The following TXNRD1 variants were observed in gnomAD, a reference collection of about 807,000 sequenced individuals.
The protein encoded by TXNRD1 is thioredoxin reductase 1, also known as thioredoxin reductase 1, cytoplasmic.
In TXNRD1, 57 loss-of-function variants were observed where a neutral mutation model predicts 80.3. The ratio of observed to expected loss-of-function variants is 0.71; its 90% CI spans 0.57 to 0.89. The LOEUF is 0.89. Among genes scored for constraint, TXNRD1 ranks in the 40% least tolerant of loss-of-function variants. The pLI is 0.00. For synonymous variants in TXNRD1, 291 were observed against 285.2 expected, an observed-to-expected ratio of 1.02 and a Z score of -0.20; for missense variants, 730 against 803.0, an observed-to-expected ratio of 0.91 and a Z score of 1.10.
chr12:104,266,567 T>A (rs2135718337), intron 3 of TXNRD1, among the ~76,000 whole-genome samples: 1 of 147,956 alleles, frequency 6.8e-6, no homozygotes, highest in South Asian at 2.2e-4. Flanking sequence ...GCGTGGCGGC[T>A]CACGACTGTA....
chr12:104,314,392 A>G (rs771131575), intron 6 of TXNRD1, among the ~76,000 whole-genome samples: 4 of 152,228 alleles, frequency 2.6e-5, no homozygotes, highest in Non-Finnish European at 4.4e-5. Context: ...TGATTCATCC[A>G]TTCAGCAGAT....
At chr12:104,266,865 G>A (rs1240517604) in intron 3 of TXNRD1, among the ~76,000 whole-genome samples, 1 of 152,154 alleles carries the variant, frequency 6.6e-6, no homozygotes, top group African/African-American at 2.4e-5. Context: ...GGGAGGTTGA[G>A]GCAGGAGAAT....
intron 4 of TXNRD1, among the ~76,000 whole-genome samples, chr12:104,301,744 C>T (rs2034633219): frequency 1.3e-5 from 2 of 152,196 alleles, no homozygotes; most frequent in Admixed American, 6.5e-5. Context: ...GTATTTTCAC[C>T]TAAGATTTAA....
intron 3 of TXNRD1, among the ~76,000 whole-genome samples, chr12:104,263,226 A>G (rs796984754): frequency 1.3e-5 from 2 of 152,156 alleles, no homozygotes; most frequent in Non-Finnish European, 2.9e-5. Flanking sequence ...GTAGGTGGTG[A>G]TATCACCTTC....
chr12:104,314,517 C>T (rs1169714827), intron 6 of TXNRD1, among the ~76,000 whole-genome samples: 1 of 152,092 alleles, frequency 6.6e-6, no homozygotes, highest in Non-Finnish European at 1.5e-5. Context: ...AGAGGACTTA[C>T]TTTGAGCTGT....
intron 2 of TXNRD1, among the ~76,000 whole-genome samples, chr12:104,252,875 T>C (rs1016275587): frequency 2.6e-5 from 4 of 151,040 alleles, no homozygotes; most frequent in Admixed American, 6.6e-5. Flanking sequence ...GCTAATTTTT[T>C]GTATTTTTAG....
chr12:104,287,069 C>A lies in TXNRD1; in HGVS notation c.305-1862C>A, dbSNP rs1043574530. ...GCAGCAGAGCGAAAGGTGGTCGAGTCCTGAAGGAGGGCCTGATGTCTTCAT... is the reference window on the plus strand; with the variant it reads ...GCAGCAGAGCGAAAGGTGGTCGAGTACTGAAGGAGGGCCTGATGTCTTCAT... On this transcript the variant is annotated intron_variant, in intron 3 of 16. Coordinates refer to ENST00000525566, the MANE Select transcript of TXNRD1 (RefSeq NM_001093771.3). 9.8e-6 allele frequency: 14 copies of A among 1,421,580 alleles called. No homozygotes were observed. The African/African-American group carries it at 1.7e-4, about 18-fold the overall frequency. The allele number at this position is 1,421,580 out of a possible 1,614,324, so 88.1% of individuals were successfully genotyped here. A position where few individuals can be genotyped will look rare whatever the true frequency, so the allele number is the denominator to read the frequency against.
intron 3 of TXNRD1, among the ~76,000 whole-genome samples, chr12:104,267,657 CTTTCTTTCT>C (rs1565870060): frequency 6.1e-4 from 19 of 31,240 alleles, no homozygotes; most frequent in African/African-American, 2.3e-3. Flanking sequence ...ATCTTTCTTT[CTTTCTTTCT>C]TTCTTTCTTT....
intron 3 of TXNRD1, chr12:104,286,586 GTTTT>G (rs78816548): frequency 3.2e-5 from 10 of 314,610 alleles, no homozygotes; most frequent in African/African-American, 1.4e-4. Context: ...CACCTTTGGA[GTTTT>G]TTTTTTTTTT....
At chr12:104,252,658 T>TA (rs1491493630) in intron 2 of TXNRD1, among the ~76,000 whole-genome samples, 159 of 10,192 alleles carry the variant, frequency 0.016, 2 homozygotes, top group African/African-American at 0.046. Flanking sequence ...TAATTTATTA[T>TA]TTTTTATATA....
intron 3 of TXNRD1, among the ~76,000 whole-genome samples, chr12:104,277,879 C>CTTTT (rs140314717): frequency 2.1e-5 from 3 of 141,834 alleles, no homozygotes; most frequent in South Asian, 2.2e-4. Context: ...TGGCAAGATT[C>CTTTT]TTTTTTTTTT....
intron 3 of TXNRD1, among the ~76,000 whole-genome samples, chr12:104,272,697 C>T (rs1307126696): frequency 6.6e-6 from 1 of 151,208 alleles, no homozygotes; most frequent in Non-Finnish European, 1.5e-5. Flanking sequence ...GAGGCTGAGG[C>T]AGGAGAATGG....
intron 4 of TXNRD1, among the ~76,000 whole-genome samples, chr12:104,298,837 G>A (rs193280013): frequency 1.6e-4 from 24 of 151,856 alleles, no homozygotes; most frequent in African/African-American, 4.6e-4. Context: ...CTATCTTTGG[G>A]ATTGTTTGAT....
At chr12:104,285,712 C>G (rs2135738931) in intron 3 of TXNRD1, among the ~76,000 whole-genome samples, 2 of 152,280 alleles carry the variant, frequency 1.3e-5, no homozygotes, top group East Asian at 3.9e-4. Flanking sequence ...ATTCGGTAGA[C>G]TAAATGAGAT....
At chr12:104,228,966 G>T (rs1056876373) in intron 1 of TXNRD1, among the ~76,000 whole-genome samples, 2 of 151,448 alleles carry the variant, frequency 1.3e-5, no homozygotes, top group Non-Finnish European at 1.5e-5. Context: ...TGATCCCCCC[G>T]CCTCGGCCTC....
At chr12:104,298,448 G>A (rs1176059729) in intron 4 of TXNRD1, among the ~76,000 whole-genome samples, 7 of 152,060 alleles carry the variant, frequency 4.6e-5, no homozygotes, top group South Asian at 2.1e-4. Flanking sequence ...TTCTGGGGCC[G>A]GGCGCAGTGG....
At chr12:104,227,442 AT>A (rs1476048091) in intron 1 of TXNRD1, among the ~76,000 whole-genome samples, 12 of 151,670 alleles carry the variant, frequency 7.9e-5, no homozygotes, top group African/African-American at 2.9e-4. Flanking sequence ...TTTTATTTTT[AT>A]TTTTATAGAA....
chr12:104,288,733 C>T, intron 3 of TXNRD1, 198 bp from the exon 4 acceptor site: 2 of 1,439,264 alleles, frequency 1.4e-6, no homozygotes, highest in Non-Finnish European at 9.2e-7. Flanking sequence ...GCGGATTTGC[C>T]GGGGTCAGAC....
At chr12:104,223,590 C>T (rs950001689) in intron 1 of TXNRD1, among the ~76,000 whole-genome samples, 9 of 152,202 alleles carry the variant, frequency 5.9e-5, no homozygotes, top group Admixed American at 5.9e-4. Flanking sequence ...CCATTCCTTT[C>T]ACGGGATTCC....
Sources: allele counts gnomAD v4.1 joint callset (sites outside exome capture counted in the v4.1 genomes callset), GRCh38; gene constraint gnomAD v4.1.1; transcripts MANE v1.5; gene names NCBI Gene and HGNC (gene_info 2026-07-23, HGNC 2026-07-21).